Variants in ASMTL observed in about 807,000 individuals in gnomAD.
The protein encoded by ASMTL is acetylserotonin O-methyltransferase like.
Under a neutral mutation model 60.3 loss-of-function variants are expected in ASMTL, and 57 were observed. That is an observed-to-expected ratio of 0.95 (90% CI 0.76 to 1.18). The LOEUF is 1.18. Among genes scored for constraint, ASMTL ranks in the 50% most tolerant of loss-of-function variants. The probability of loss-of-function intolerance (pLI) is 0.00; values close to 1 mark genes in which losing one functional copy is unlikely to be tolerated. For missense variants in ASMTL, 981 were observed against 852.6 expected (o/e 1.15, Z -1.88); for synonymous variants, 419 against 373.0 (o/e 1.12, Z -1.42).
At chrX:1,423,775 CCCAT>C (rs200250085) in intron 8 of ASMTL, among the ~76,000 whole-genome samples, 88,764 of 137,964 alleles carry the variant, frequency 0.64, 29,084 homozygotes, top group South Asian at 0.85. Flanking sequence ...CGTCCACCCA[CCCAT>C]CCATCTATTC....
At position 1,412,691 on chromosome X, in the gene ASMTL, A is replaced by G. The variant is rs375678974; in HGVS notation, c.1645+41T>C. ...TTGTAAAACTTGAACCCAAAATACTACGTCTTAACAAAAACAGCTAACCTG... is the reference window on the plus strand; with the variant it reads ...TTGTAAAACTTGAACCCAAAATACTGCGTCTTAACAAAAACAGCTAACCTG... On this transcript the variant is annotated intron_variant, in intron 12 of 12. Transcript: ENST00000381317. 2.5e-6 allele frequency: 4 copies of G among 1,613,598 alleles called. No individual in the cohort carries two copies. In the African/African-American group the frequency reaches 4.0e-5, roughly 16 times the overall value.
chrX:1,408,083 C>G (rs183515597), intron 12 of ASMTL, among the ~76,000 whole-genome samples: 18 of 151,450 alleles, frequency 1.2e-4, no homozygotes, highest in Non-Finnish European at 1.8e-4. Flanking sequence ...TGCTGGTACT[C>G]CCAAATACTC....
At position 1,418,978 on chromosome X, in the gene ASMTL, C is replaced by A. The variant is rs751355108; in HGVS notation, c.1378+4G>T. ...AGGAGAGCCCTGGCGGGGGGGCCAC[C>A]CACCTCCCACGTCGCAGGCGGAGGA... is the stretch of plus-strand genomic sequence containing the variant. On this transcript the variant is annotated splice_donor_region_variant and intron_variant, in intron 10 of 12. Transcript: ENST00000381317. The A allele has an allele frequency of 6.2e-7, 1 of 1,611,816 alleles. No individual in the cohort carries two copies. The highest frequency in any genetic ancestry group is 1.1e-5 in the South Asian group (1 of 90,968).
chrX:1,427,788 C>A lies in ASMTL; in HGVS notation c.843G>T (p.Leu281=), dbSNP rs2090651143. 1 of 1,612,950 alleles carries A rather than the reference C, an allele frequency of 6.2e-7. No individual in the cohort carries two copies. The highest frequency in any genetic ancestry group is 1.7e-5 in the Admixed American group (1 of 60,002). ...CCAGGAGGCGTGTCGGGAACGGAGG[C>A]AGGGTCTCCCGAGTCCTGTGACACT... ...EAECHRTRET[L]PPFPTRLLEL... Residue 281 remains leucine (L), a synonymous_variant, in exon 7 of 13, where the codon CTG becomes CTT. Coordinates refer to ENST00000381317, the MANE Select transcript of ASMTL (RefSeq NM_004192.4).
intron 9 of ASMTL, 87 bp downstream of exon 9, chrX:1,421,571 G>A: frequency 1.4e-6 from 2 of 1,411,580 alleles, no homozygotes; most frequent in South Asian, 1.2e-5. Flanking sequence ...GAGACAGACT[G>A]GTCAAGGTGC....
Position 1,419,390 on chromosome X carries a change from G to A in ASMTL, c.1246-276C>T, listed in dbSNP as rs145164140. Among the ~76,000 whole-genome samples the A allele has an allele frequency of 1.4e-4, 21 of 152,258 alleles. No homozygotes were observed. The East Asian group carries it at 2.7e-3, about 20-fold the overall frequency. On this transcript the variant is annotated intron_variant, in intron 9 of 12. Transcript: ENST00000381317. The stretch of plus-strand genomic sequence containing the variant: ...CCTGAACTCCAAGCGTCTGACTTTC[G>A]CAGTAGGCTTTTCACAATAAAGCTT...
rs1254481911 is a variant in ASMTL, at chrX:1,420,376, T to G, written c.1246-1262A>C. ...CTCCCTCTATCTTTCTGTCTGCCTATCTCTCTCTCTGTGTCTCCCTGTCTG... is the reference window on the plus strand; with the variant it reads ...CTCCCTCTATCTTTCTGTCTGCCTAGCTCTCTCTCTGTGTCTCCCTGTCTG... On this transcript the variant is annotated intron_variant, in intron 9 of 12. Coordinates refer to ENST00000381317, the MANE Select transcript of ASMTL (RefSeq NM_004192.4). 6.8e-5 allele frequency among the ~76,000 whole-genome samples: 10 copies of G among 146,358 alleles called. 1 individual carries two copies. The highest frequency in any genetic ancestry group is 2.7e-4 in the Admixed American group (4 of 14,810).
chrX:1,412,999 T>TC, intron 11 of ASMTL, 145 bp from the exon 12 acceptor site: 2 of 860,030 alleles, frequency 2.3e-6, no homozygotes, highest in Non-Finnish European at 3.8e-6. Context: ...CTGAAGTACA[T>TC]CCCCGTGGGG....
chrX:1,433,508 A>T (rs1304963663), intron 5 of ASMTL, among the ~76,000 whole-genome samples: 2 of 149,672 alleles, frequency 1.3e-5, no homozygotes, highest in Non-Finnish European at 3.0e-5. Flanking sequence ...TACTAAAAAA[A>T]AAAAAAAAAA....
rs1436610905 is a variant in ASMTL, at chrX:1,432,397, G to T, written c.401-20C>A. ...GATGGTCTGCAAGGACACAGCCGTGGGGGTGAGCGTGGACGCCAGCTTGTC... is the reference window on the plus strand; with the variant it reads ...GATGGTCTGCAAGGACACAGCCGTGTGGGTGAGCGTGGACGCCAGCTTGTC... On this transcript the variant is annotated intron_variant, in intron 5 of 12. Transcript: ENST00000381317. 2 of 1,601,158 alleles carry T rather than the reference G, an allele frequency of 1.2e-6. No individual in the cohort carries two copies. The highest frequency in any genetic ancestry group is 1.1e-5 in the South Asian group (1 of 90,204).
intron 12 of ASMTL, among the ~76,000 whole-genome samples, chrX:1,412,083 C>T (rs761622268): frequency 3.3e-5 from 5 of 152,048 alleles, no homozygotes; most frequent in East Asian, 1.9e-4. Context: ...TCCCGAAGTG[C>T]GGGGATGACA....
At chrX:1,435,795 C>A in intron 3 of ASMTL, 37 bp from the exon 4 acceptor site, 3 of 1,589,854 alleles carry the variant, frequency 1.9e-6, no homozygotes, top group Non-Finnish European at 2.6e-6. Flanking sequence ...TGGTTCCCAC[C>A]GGCTGGGTCA....
intron 2 of ASMTL, among the ~76,000 whole-genome samples, chrX:1,439,608 A>C (rs1279735484): frequency 6.6e-6 from 1 of 152,154 alleles, no homozygotes; most frequent in African/African-American, 2.4e-5. Flanking sequence ...GCACTCTGGG[A>C]GGCCGAGGCG....
At chrX:1,439,566 G>T (rs1464750452) in intron 2 of ASMTL, among the ~76,000 whole-genome samples, 1 of 152,154 alleles carries the variant, frequency 6.6e-6, no homozygotes, top group Non-Finnish European at 1.5e-5. Context: ...GCTACTTAGG[G>T]CTGGGCGCGG....
At chrX:1,413,293 T>G (rs1218673429) in intron 11 of ASMTL, among the ~76,000 whole-genome samples, 2 of 151,284 alleles carry the variant, frequency 1.3e-5, no homozygotes, top group African/African-American at 4.9e-5. Context: ...ACCTGGGAGG[T>G]GGAGGTTGCA....
intron 8 of ASMTL, among the ~76,000 whole-genome samples, 191 bp downstream of exon 8, chrX:1,425,334 G>A (rs773324287): frequency 5.9e-5 from 9 of 152,282 alleles, no homozygotes; most frequent in South Asian, 2.1e-4. Context: ...CTATGTGCTC[G>A]CGGCTGCCAC....
At chrX:1,430,865 C>T (rs1192336254) in intron 6 of ASMTL, among the ~76,000 whole-genome samples, 6 of 140,744 alleles carry the variant, frequency 4.3e-5, no homozygotes, top group African/African-American at 1.6e-4. Flanking sequence ...TATTTATATA[C>T]TTTTATAATA....
intron 9 of ASMTL, among the ~76,000 whole-genome samples, chrX:1,419,395 A>C (rs2090411516): frequency 6.6e-6 from 1 of 152,276 alleles, no homozygotes. Flanking sequence ...CTTTCGCAGT[A>C]GGCTTTTCAC....
At chrX:1,413,360 A>G (rs2090110572) in intron 11 of ASMTL, among the ~76,000 whole-genome samples, 1 of 152,124 alleles carries the variant, frequency 6.6e-6, no homozygotes, top group Non-Finnish European at 1.5e-5. Flanking sequence ...GCAAGGGAGG[A>G]AAAAAGCAGG....
Sources: gnomAD v4.1 joint callset for allele counts (sites outside exome capture counted in the v4.1 genomes callset) on GRCh38, gnomAD v4.1.1 for gene constraint, MANE v1.5 for transcripts, NCBI Gene and HGNC (gene_info 2026-07-23, HGNC 2026-07-21) for gene names.